TRAPPC9: variants seen among roughly 807,000 people sequenced by gnomAD.
TRAPPC9 encodes IKK2 binding protein.
Under a neutral mutation model 124.0 loss-of-function variants are expected in TRAPPC9, and 83 were observed. The observed-to-expected ratio is 0.67, with a 90% CI of 0.56 to 0.80. TRAPPC9 has a LOEUF of 0.80. Ranked by LOEUF, TRAPPC9 falls within the 30% of genes least tolerant of loss-of-function variation. The probability of loss-of-function intolerance (pLI) is 0.00; values close to 1 mark genes in which losing one functional copy is unlikely to be tolerated. For synonymous variants in TRAPPC9, 638 were observed against 617.5 expected, an observed-to-expected ratio of 1.03 and a Z score of -0.49; for missense variants, 1,302 against 1,508.3, an observed-to-expected ratio of 0.86 and a Z score of 2.27.
chr8:140,122,300 C>A (rs2061003961), intron 17 of TRAPPC9, among the ~76,000 whole-genome samples: 1 of 152,172 alleles, frequency 6.6e-6, no homozygotes, highest in Non-Finnish European at 1.5e-5. Context: ...GCAGCTCTGG[C>A]CAACACCTTG....
chr8:139,811,954 T>G (rs545256518), intron 21 of TRAPPC9, among the ~76,000 whole-genome samples: 2 of 152,128 alleles, frequency 1.3e-5, no homozygotes, highest in Non-Finnish European at 2.9e-5. Flanking sequence ...GGATCTGGCA[T>G]AGATGAGAGT....
intron 19 of TRAPPC9, among the ~76,000 whole-genome samples, chr8:139,981,614 GAGAC>G (rs1220971338): frequency 6.6e-6 from 1 of 152,268 alleles, no homozygotes; most frequent in African/African-American, 2.4e-5. Context: ...GAAACAAAAA[GAGAC>G]AGGCGAGAGG....
chr8:140,183,890 AGGAGAGGAGAGG>A (rs1180036245), intron 17 of TRAPPC9, among the ~76,000 whole-genome samples: 1 of 16,288 alleles, frequency 6.1e-5, no homozygotes, highest in Non-Finnish European at 1.4e-4. Flanking sequence ...GAAGAAGAAG[AGGAGAGGAGAGG>A]AGAGGAGAGG....
At chr8:140,008,096 T>A (rs575674737) in intron 18 of TRAPPC9, among the ~76,000 whole-genome samples, 1 of 152,240 alleles carries the variant, frequency 6.6e-6, no homozygotes, top group East Asian at 1.9e-4. Flanking sequence ...TATAATATAT[T>A]AATAATAGGA....
chr8:140,358,499 A>G (rs2067824223), intron 9 of TRAPPC9, among the ~76,000 whole-genome samples: 1 of 152,198 alleles, frequency 6.6e-6, no homozygotes, highest in Non-Finnish European at 1.5e-5. Context: ...GAGCTACCAC[A>G]TCCGGCCAGA....
At position 139,960,232 on chromosome 8, in the gene TRAPPC9, T is replaced by G. The variant is rs2035132; in HGVS notation, c.2810+28494A>C. On this transcript the variant is annotated intron_variant, in intron 19 of 22. Coordinates refer to ENST00000438773, the MANE Select transcript of TRAPPC9 (RefSeq NM_001160372.4). Reference sequence around the variant, plus strand: ...GCATGCAGCTGCTGTCCACAGACAATGGCCTGAGCCCCATCCCTTGATGAG... The same window carrying G: ...GCATGCAGCTGCTGTCCACAGACAAGGGCCTGAGCCCCATCCCTTGATGAG... Among the ~76,000 whole-genome samples, 1,325 of 152,268 alleles carry G rather than the reference T, an allele frequency of 8.7e-3. 24 individuals are homozygous for G. Among genetic ancestry groups the G allele is most frequent in the African/African-American group, 0.03 (1,241 of 41,550 alleles).
Position 140,252,741 on chromosome 8 carries a change from C to T in TRAPPC9, c.2431+36G>A. ...GGGGGTTGCTACACAGTATCTAGGA[C>T]CCTGACGTGCTAATTAAAATTAGGA... On this transcript the variant is annotated intron_variant, in intron 16 of 22. Transcript: ENST00000438773. This position sits in a 1 kb window ranked among gnomAD's most constrained non-coding sequence, Gnocchi z 4.2. 2.5e-6 allele frequency: 4 copies of T among 1,609,516 alleles called. No homozygotes were observed. The highest frequency in any genetic ancestry group is 3.4e-6 in the Non-Finnish European group (4 of 1,179,652).
At chr8:140,404,849 C>T (rs2069425036) in intron 6 of TRAPPC9, among the ~76,000 whole-genome samples, 3 of 147,448 alleles carry the variant, frequency 2.0e-5, no homozygotes, top group Admixed American at 6.8e-5. Flanking sequence ...TGTGTACGTG[C>T]CTGTGTGCGG....
At chr8:139,817,384 G>A (rs1320700548) in intron 21 of TRAPPC9, among the ~76,000 whole-genome samples, 1 of 152,220 alleles carries the variant, frequency 6.6e-6, no homozygotes, top group African/African-American at 2.4e-5. Flanking sequence ...CATCTCAGGA[G>A]TTCCTTTTTC....
chr8:140,425,708 A>G (rs751632643), intron 5 of TRAPPC9, among the ~76,000 whole-genome samples: 9 of 151,874 alleles, frequency 5.9e-5, no homozygotes, highest in Admixed American at 2.0e-4. Flanking sequence ...TTCAACATCC[A>G]TTTCATTTGT....
chr8:139,840,438 A>C (rs888399505), intron 21 of TRAPPC9, among the ~76,000 whole-genome samples: 5 of 152,226 alleles, frequency 3.3e-5, no homozygotes, highest in African/African-American at 7.2e-5. Flanking sequence ...TTAAATCTTC[A>C]TGGCAAAGGC....
chr8:140,260,372 G>A (rs919872327), intron 15 of TRAPPC9, among the ~76,000 whole-genome samples: 1 of 152,202 alleles, frequency 6.6e-6, no homozygotes, highest in Non-Finnish European at 1.5e-5. Flanking sequence ...GTGAACTGGT[G>A]AGAAGGACAA....
chr8:139,890,063 G>T (rs1830239295), intron 20 of TRAPPC9, among the ~76,000 whole-genome samples: 1 of 152,246 alleles, frequency 6.6e-6, no homozygotes, highest in South Asian at 2.1e-4. Context: ...GGCCTGTTTT[G>T]AGCGCCAGCA....
chr8:139,817,254 G>A (rs1320189988), intron 21 of TRAPPC9, among the ~76,000 whole-genome samples: 3 of 152,212 alleles, frequency 2.0e-5, no homozygotes, highest in Non-Finnish European at 2.9e-5. Context: ...AGTGGACATG[G>A]CTGGGGATAG....
chr8:140,087,280 G>C lies in TRAPPC9; in HGVS notation c.2557-63201C>G, dbSNP rs985903907. Among the ~76,000 whole-genome samples the C allele has an allele frequency of 3.9e-5, 6 of 151,924 alleles. No homozygotes were observed. Among genetic ancestry groups the C allele is most frequent in the Admixed American group, 3.9e-4 (6 of 15,258 alleles). On this transcript the variant is annotated intron_variant, in intron 17 of 22. Coordinates refer to ENST00000438773, the MANE Select transcript of TRAPPC9 (RefSeq NM_001160372.4). This position sits in a 1 kb window ranked among gnomAD's most constrained non-coding sequence, Gnocchi z 4.6. The stretch of plus-strand genomic sequence containing the variant: ...CCCCCGGCCCCATCACCCTGCAGAT[G>C]TCGGGGTGCCTCGAAAGCACAGCAC...
intron 17 of TRAPPC9, among the ~76,000 whole-genome samples, chr8:140,033,050 T>C (rs1316035077): frequency 1.3e-5 from 2 of 152,216 alleles, no homozygotes; most frequent in Admixed American, 6.5e-5. Context: ...ATTCATATCA[T>C]TTCCCTATTT....
Position 139,909,448 on chromosome 8 carries a change from C to A in TRAPPC9, c.2964+699G>T, listed in dbSNP as rs142127704. On this transcript the variant is annotated intron_variant, in intron 20 of 22. Transcript: ENST00000438773. ...CCAACAGTGCTCAATTCCCAGAGGA[C>A]ACATCCACTTCATACTAGACAAACA... is the stretch of plus-strand genomic sequence containing the variant. 1.8e-4 allele frequency among the ~76,000 whole-genome samples: 27 copies of A among 152,030 alleles called. No individual in the cohort carries two copies. The East Asian group carries it at 4.1e-3, about 23-fold the overall frequency.
intron 13 of TRAPPC9, among the ~76,000 whole-genome samples, chr8:140,286,202 G>A (rs986954855): frequency 1.3e-5 from 2 of 152,230 alleles, no homozygotes; most frequent in Non-Finnish European, 2.9e-5. Flanking sequence ...GGAAAGCCTG[G>A]AAAGCTGCCA....
At chr8:140,047,008 T>C (rs139250957) in intron 17 of TRAPPC9, among the ~76,000 whole-genome samples, 5 of 152,314 alleles carry the variant, frequency 3.3e-5, no homozygotes, top group African/African-American at 1.2e-4. Context: ...AATAAACTGC[T>C]CTTGTTCCTT....
Sources: allele counts gnomAD v4.1 joint callset (sites outside exome capture counted in the v4.1 genomes callset), GRCh38; gene constraint gnomAD v4.1.1; non-coding constraint Gnocchi (gnomAD v3.1); transcripts MANE v1.5; gene names NCBI Gene and HGNC (gene_info 2026-07-23, HGNC 2026-07-21).